Variants in NXN observed in about 807,000 individuals in gnomAD.
The protein encoded by NXN is nucleoredoxin.
Under a neutral mutation model 48.6 loss-of-function variants are expected in NXN, and 16 were observed. The ratio of observed to expected loss-of-function variants is 0.33; its 90% CI spans 0.22 to 0.50. The LOEUF (loss-of-function observed/expected upper bound fraction) is 0.50, where lower values mean the gene tolerates loss of function less well. Among genes scored for constraint, NXN ranks in the 20% least tolerant of loss-of-function variants. NXN has a pLI of 0.98. For missense variants in NXN, 492 were observed against 605.5 expected (o/e 0.81, Z 1.97); for synonymous variants, 281 against 269.6 (o/e 1.04, Z -0.41).
At position 920,371 on chromosome 17, in the gene NXN, G is replaced by C. The variant is rs572846121; in HGVS notation, c.360+58948C>G. Among the ~76,000 whole-genome samples the C allele has an allele frequency of 1.8e-4, 27 of 151,864 alleles. No homozygotes were observed. The highest frequency in any genetic ancestry group is 1.7e-3 in the East Asian group (9 of 5,148). On this transcript the variant is annotated intron_variant, in intron 1 of 7. Transcript: ENST00000336868. This position sits in a 1 kb window ranked among gnomAD's most constrained non-coding sequence, Gnocchi z 4.6. ...CCCATGTGGCTCTCCTCCCAGCCCC[G>C]AGCGCCTGGGGATACCTAGGCCCTC...
chr17:863,419 A>G lies in NXN; in HGVS notation c.361-37341T>C, dbSNP rs781086543. On this transcript the variant is annotated intron_variant, in intron 1 of 7. Transcript: ENST00000336868. ...CCTGACCTCATGATCAGCCCGCCTC[A>G]GCCTCCCGAAGTGCTGGGATTACAG... is the stretch of plus-strand genomic sequence containing the variant. Among the ~76,000 whole-genome samples the G allele has an allele frequency of 3.3e-5, 5 of 152,098 alleles. No individual in the cohort carries two copies. In the South Asian group the frequency reaches 6.2e-4, roughly 19 times the overall value.
chr17:810,200 T>C (rs1911887167), intron 5 of NXN, among the ~76,000 whole-genome samples: 1 of 131,048 alleles, frequency 7.6e-6, no homozygotes, highest in Admixed American at 7.5e-5. Context: ...TACGAGTCTG[T>C]GAGTGGCGTG....
At chr17:810,348 G>A (rs1197170030) in intron 5 of NXN, among the ~76,000 whole-genome samples, 1 of 151,812 alleles carries the variant, frequency 6.6e-6, no homozygotes, top group Admixed American at 6.6e-5. Flanking sequence ...TGGCGTGTAC[G>A]TTAAGAGTCC....
intron 5 of NXN, among the ~76,000 whole-genome samples, chr17:813,842 T>C (rs1912315095): frequency 6.6e-6 from 1 of 151,978 alleles, no homozygotes; most frequent in African/African-American, 2.4e-5. Flanking sequence ...GGCAGGTGCC[T>C]ATAATCCCAG....
chr17:883,231 C>T (rs1278729934), intron 1 of NXN, among the ~76,000 whole-genome samples: 1 of 152,116 alleles, frequency 6.6e-6, no homozygotes, highest in Non-Finnish European at 1.5e-5. Flanking sequence ...CAGACAGCGA[C>T]GGTGTCAATC....
At chr17:869,144 T>C (rs922540856) in intron 1 of NXN, among the ~76,000 whole-genome samples, 1 of 152,104 alleles carries the variant, frequency 6.6e-6, no homozygotes, top group African/African-American at 2.4e-5. Context: ...GACCAGACAG[T>C]TCCTTCTCTC....
chr17:945,442 A>AACCCATC (rs2069031793), intron 1 of NXN, among the ~76,000 whole-genome samples: 1 of 150,812 alleles, frequency 6.6e-6, no homozygotes, highest in Admixed American at 6.6e-5. Flanking sequence ...ATCCTGGCTA[A>AACCCATC]CATGGTGAAA....
intron 1 of NXN, among the ~76,000 whole-genome samples, chr17:965,991 C>A (rs750649046): frequency 1.3e-5 from 2 of 151,944 alleles, no homozygotes; most frequent in Non-Finnish European, 2.9e-5. Context: ...TGGCGGGCAC[C>A]TGTAGTCCCA....
chr17:818,879 C>T (rs1448349332), intron 5 of NXN, among the ~76,000 whole-genome samples: 5 of 143,496 alleles, frequency 3.5e-5, no homozygotes, highest in East Asian at 2.0e-4. Flanking sequence ...AGTGAGACTC[C>T]GTCTCAAAAA....
At chr17:946,228 CGGGG>C (rs1567513800) in intron 1 of NXN, among the ~76,000 whole-genome samples, 1 of 40,986 alleles carries the variant, frequency 2.4e-5, no homozygotes, top group Non-Finnish European at 1.5e-4. Context: ...CTCCGCCTCC[CGGGG>C]ATCCCTGCTC....
intron 5 of NXN, among the ~76,000 whole-genome samples, chr17:809,671 C>G (rs985250871): frequency 6.6e-6 from 1 of 152,214 alleles, no homozygotes; most frequent in African/African-American, 2.4e-5. Context: ...ACAGAAAGAG[C>G]TGGTGAGGAC....
chr17:854,512 A>G (rs1329596149), intron 1 of NXN, among the ~76,000 whole-genome samples: 2 of 151,472 alleles, frequency 1.3e-5, no homozygotes, highest in East Asian at 1.9e-4. Flanking sequence ...AAAATTAGCC[A>G]GGCGTGGTGG....
At chr17:804,441 C>T (rs1911379656) in intron 6 of NXN, among the ~76,000 whole-genome samples, 1 of 152,130 alleles carries the variant, frequency 6.6e-6, no homozygotes, top group African/African-American at 2.4e-5. Flanking sequence ...AGCCACCACA[C>T]CCAGGCTCGT....
At chr17:902,738 ACTCACACTATTTTAACACAACACAATGGC>A (rs1286941514) in intron 1 of NXN, among the ~76,000 whole-genome samples, 1 of 150,312 alleles carries the variant, frequency 6.7e-6, no homozygotes, top group African/African-American at 2.5e-5. Flanking sequence ...CCACCCTGGT[ACTCACACTATTTTAACACAACACAATGGC>A]CTCTGCCCAT....
chr17:884,223 AAAATAAATAAAT>A (rs996617349), intron 1 of NXN, among the ~76,000 whole-genome samples: 2 of 141,760 alleles, frequency 1.4e-5, no homozygotes, highest in African/African-American at 5.3e-5. Context: ...TCTGACTCAA[AAAATAAATAAAT>A]AAATAAATAA....
In NXN at chr17:801,139, C is replaced by T. The variant is rs1911180541; in HGVS notation, c.1126-8G>A. 2.0e-6 allele frequency: 3 copies of T among 1,512,730 alleles called. No individual in the cohort carries two copies. Among genetic ancestry groups the T allele is most frequent in the African/African-American group, 1.4e-5 (1 of 70,238 alleles). 93.7% of individuals were successfully genotyped at this position (1,512,730 alleles called of 1,614,324 possible). ...GGAGTCAGTCATGTCATCCTGAAGC[C>T]GTCAGGAGGGAGAGAAAACCAAGAA... On this transcript the variant is annotated splice_region_variant and splice_polypyrimidine_tract_variant and intron_variant, in intron 7 of 7. Coordinates refer to ENST00000336868, the MANE Select transcript of NXN (RefSeq NM_022463.5).
At chr17:811,920 CTTTTTTTTTTTTTTT>C (rs34383551) in intron 5 of NXN, among the ~76,000 whole-genome samples, 1 of 73,174 alleles carries the variant, frequency 1.4e-5, no homozygotes, top group Non-Finnish European at 2.3e-5. Flanking sequence ...CCCAGTTCTG[CTTTTTTTTTTTTTTT>C]TTTTTTTTTT....
At chr17:979,249 G>GGCGTGGGGGGCGGGCAGGGGTAACGC in intron 1 of NXN, 70 bp downstream of exon 1, 1 of 1,204,024 alleles carries the variant, frequency 8.3e-7, no homozygotes, top group Non-Finnish European at 1.1e-6. Flanking sequence ...AGGGGTAACG[G>GGCGTGGGGGGCGGGCAGGGGTAACGC]GCGTGGGGGG....
chr17:911,089 A>T (rs1398767559), intron 1 of NXN: 1 of 152,068 alleles, frequency 6.6e-6, no homozygotes, highest in East Asian at 1.9e-4. Context: ...ATATGTATCC[A>T]ATTTTATTGC....
Sources: gnomAD v4.1 joint callset for allele counts (sites outside exome capture counted in the v4.1 genomes callset) on GRCh38, gnomAD v4.1.1 for gene constraint, Gnocchi (gnomAD v3.1) non-coding constraint, MANE v1.5 for transcripts, NCBI Gene and HGNC (gene_info 2026-07-23, HGNC 2026-07-21) for gene names.